The following FRMD4B variants were observed in gnomAD, a reference collection of about 807,000 sequenced individuals.
FRMD4B encodes FERM domain containing 4B, also known as FERM domain-containing protein 4B.
FRMD4B carries 74 observed loss-of-function variants against 141.5 expected under a neutral mutation model. The observed-to-expected ratio is 0.52, with a 90% CI of 0.43 to 0.63. The LOEUF (loss-of-function observed/expected upper bound fraction) is 0.63, where lower values mean the gene tolerates loss of function less well. FRMD4B is among the 30% of genes least tolerant of loss of function. The pLI, the probability that FRMD4B is intolerant of heterozygous loss-of-function variation, is 0.00. For missense variants in FRMD4B, 1,366 were observed against 1,253.4 expected (o/e 1.09, Z -1.36); for synonymous variants, 506 against 467.9 (o/e 1.08, Z -1.05).
intron 1 of FRMD4B, among the ~76,000 whole-genome samples, chr3:69,487,716 G>A (rs1706239365): frequency 6.6e-6 from 1 of 152,176 alleles, no homozygotes; most frequent in Non-Finnish European, 1.5e-5. Flanking sequence ...CTGAATTTAG[G>A]AGGCTGTCCA....
At chr3:69,323,854 C>T (rs1449154117) in intron 1 of FRMD4B, among the ~76,000 whole-genome samples, 1 of 151,770 alleles carries the variant, frequency 6.6e-6, no homozygotes, top group Non-Finnish European at 1.5e-5. Context: ...TATATTACTT[C>T]AGTACAAAGT....
At chr3:69,488,186 T>C (rs1015626758) in intron 1 of FRMD4B, among the ~76,000 whole-genome samples, 3 of 152,232 alleles carry the variant, frequency 2.0e-5, no homozygotes, top group African/African-American at 2.4e-5. Flanking sequence ...AATGGAGCCC[T>C]GTTAAGGATC....
intron 5 of FRMD4B, among the ~76,000 whole-genome samples, chr3:69,260,460 G>A (rs2093519333): frequency 6.6e-6 from 1 of 152,214 alleles, no homozygotes; most frequent in Non-Finnish European, 1.5e-5. Context: ...CAGCACTGCT[G>A]GCCCACCTGC....
At chr3:69,462,807 G>A (rs1051182388) in intron 1 of FRMD4B, among the ~76,000 whole-genome samples, 7 of 152,316 alleles carry the variant, frequency 4.6e-5, no homozygotes, top group Admixed American at 2.6e-4. Context: ...TGGCCTCTCA[G>A]GGAAATGACC....
At chr3:69,183,168 C>T (rs1006362939) in intron 19 of FRMD4B, among the ~76,000 whole-genome samples, 3 of 152,182 alleles carry the variant, frequency 2.0e-5, no homozygotes, top group African/African-American at 4.8e-5. Context: ...CAGCTCTGCC[C>T]TTTCAGTGCA....
intron 1 of FRMD4B, among the ~76,000 whole-genome samples, chr3:69,456,936 T>A (rs1705626061): frequency 6.6e-6 from 1 of 152,158 alleles, no homozygotes; most frequent in Non-Finnish European, 1.5e-5. Flanking sequence ...CCCACAAAAC[T>A]AAAAATATTC....
intron 1 of FRMD4B, among the ~76,000 whole-genome samples, chr3:69,330,637 G>T (rs1303941916): frequency 6.6e-6 from 1 of 151,252 alleles, no homozygotes; most frequent in Non-Finnish European, 1.5e-5. Context: ...GAGCCACTGT[G>T]CCTGGCCGCC....
intron 1 of FRMD4B, among the ~76,000 whole-genome samples, chr3:69,468,589 T>C (rs146981959): frequency 7.7e-4 from 117 of 152,320 alleles, no homozygotes; most frequent in African/African-American, 2.7e-3. Context: ...GAGATACTTA[T>C]GGACAATTTT....
intron 1 of FRMD4B, among the ~76,000 whole-genome samples, chr3:69,468,756 G>C (rs574464102): frequency 6.6e-6 from 1 of 152,290 alleles, no homozygotes; most frequent in Non-Finnish European, 1.5e-5. Flanking sequence ...GAATGAAGCT[G>C]AGACCTTAAT....
In FRMD4B at chr3:69,216,158, A is replaced by AG. The variant is rs2093138495; in HGVS notation, c.876+104_876+105insC. 2.6e-5 allele frequency: 17 copies of AG among 658,586 alleles called. No homozygotes were observed. In the South Asian group the frequency reaches 3.0e-4, roughly 11 times the overall value. The allele number at this position is 658,586 out of a possible 1,614,324, so 40.8% of individuals were successfully genotyped here. A position where few individuals can be genotyped will look rare whatever the true frequency, so the allele number is the denominator to read the frequency against. ...GACAAAGTGAGACTCCATCTCAAAA[A>AG]AAACCAAAAAAACCCCAACAACCTA... On this transcript the variant is annotated intron_variant, in intron 11 of 22. Transcript: ENST00000398540.
At chr3:69,341,823 A>T (rs35298402) in intron 1 of FRMD4B, among the ~76,000 whole-genome samples, 13 of 152,160 alleles carry the variant, frequency 8.5e-5, no homozygotes, top group Non-Finnish European at 1.3e-4. Context: ...GGATATAGCA[A>T]GATGGCCCTT....
intron 1 of FRMD4B, among the ~76,000 whole-genome samples, chr3:69,340,621 T>C (rs545188934): frequency 9.2e-5 from 14 of 152,334 alleles, no homozygotes; most frequent in African/African-American, 3.4e-4. Context: ...GCAGACGACT[T>C]CAGCTCCTTG....
intron 1 of FRMD4B, chr3:69,536,624 A>T: frequency 1.0e-6 from 1 of 1,004,940 alleles, no homozygotes; most frequent in Non-Finnish European, 1.5e-6. Flanking sequence ...CAGATTCAGG[A>T]GACCTGGATG....
rs1559724064 is a variant in FRMD4B at position 69,215,282 on chromosome 3, C to CTTTTTTTTTTTTTTTTT, written c.876+980_876+981insAAAAAAAAAAAAAAAAA. Among the ~76,000 whole-genome samples, 7 of 37,490 alleles carry CTTTTTTTTTTTTTTTTT rather than the reference C, an allele frequency of 1.9e-4. No homozygotes were observed. The East Asian group carries it at 3.0e-3, about 16-fold the overall frequency. 24.6% of individuals were successfully genotyped at this position (37,490 alleles called of 152,430 possible). A position where few individuals can be genotyped will look rare whatever the true frequency, so the allele number is the denominator to read the frequency against. On this transcript the variant is annotated intron_variant, in intron 11 of 22. Transcript: ENST00000398540. The stretch of plus-strand genomic sequence containing the variant: ...AATCCAAATCTGATAGATTGTGACC[C>CTTTTTTTTTTTTTTTTT]TCTTTTTTTTTTTTTTTTTTTTTTT...
chr3:69,195,674 G>A (rs1324999290), intron 14 of FRMD4B, among the ~76,000 whole-genome samples: 1 of 151,232 alleles, frequency 6.6e-6, no homozygotes, highest in Non-Finnish European at 1.5e-5. Context: ...AAGGTAAGAT[G>A]GTCCTTGAAG....
At chr3:69,395,093 T>G (rs1045759482) in intron 2 of FRMD4B, among the ~76,000 whole-genome samples, 1 of 152,112 alleles carries the variant, frequency 6.6e-6, no homozygotes, top group African/African-American at 2.4e-5. Flanking sequence ...GATGACGGGT[T>G]GATAGGTGCA....
upstream of FRMD4B, among the ~76,000 whole-genome samples, chr3:69,389,138 A>T (rs977808436): frequency 6.7e-5 from 10 of 149,424 alleles, no homozygotes; most frequent in African/African-American, 2.0e-4. Context: ...GGTTCAAGTG[A>T]TTCTCCTGCT....
intron 1 of FRMD4B, among the ~76,000 whole-genome samples, chr3:69,332,514 T>G (rs1702402294): frequency 6.6e-6 from 1 of 152,176 alleles, no homozygotes; most frequent in Admixed American, 6.5e-5. Context: ...CAGGGACTTC[T>G]TCCTCCCTTG....
intron 1 of FRMD4B, among the ~76,000 whole-genome samples, chr3:69,471,060 C>T (rs1162120730): frequency 6.6e-6 from 1 of 152,130 alleles, no homozygotes; most frequent in Admixed American, 6.6e-5. Context: ...TAAGAAATTG[C>T]CCATGGCATA....
Sources: gnomAD v4.1 joint callset for allele counts (sites outside exome capture counted in the v4.1 genomes callset) on GRCh38, gnomAD v4.1.1 for gene constraint, MANE v1.5 for transcripts, NCBI Gene and HGNC (gene_info 2026-07-23, HGNC 2026-07-21) for gene names.